The following SDF4 variants were observed in gnomAD, a reference collection of about 807,000 sequenced individuals.
SDF4 encodes the protein 45 kDa calcium-binding protein.
Under a neutral mutation model 34.2 loss-of-function variants are expected in SDF4, and 22 were observed. The ratio of observed to expected loss-of-function variants is 0.64; its 90% CI spans 0.46 to 0.92. The LOEUF is 0.92. Among genes scored for constraint, SDF4 ranks in the 40% least tolerant of loss-of-function variants. The pLI, the probability that SDF4 is intolerant of heterozygous loss-of-function variation, is 0.00. For synonymous variants in SDF4, 236 were observed against 203.1 expected (o/e 1.16, Z -1.38); for missense variants, 447 against 499.9 (o/e 0.89, Z 1.01).
intron 4 of SDF4, among the ~76,000 whole-genome samples, chr1:1,222,340 G>A (rs1055486665): frequency 1.3e-5 from 2 of 152,216 alleles, no homozygotes; most frequent in African/African-American, 2.4e-5. Context: ...AGGGTGGCCC[G>A]GCTCTCCCCT....
intron 4 of SDF4, among the ~76,000 whole-genome samples, chr1:1,222,235 G>A (rs1301076159): frequency 6.6e-6 from 1 of 152,224 alleles, no homozygotes; most frequent in Non-Finnish European, 1.5e-5. Flanking sequence ...GAGCCCCAGG[G>A]TGGCAGCAAC....
In SDF4 at chr1:1,228,703, G is replaced by A. The variant is rs1221275165; in HGVS notation, c.70C>T (p.Leu24=). Reference sequence around the variant, plus strand: ...GCAGGCCGTGCAGACGCGTCCATCAGAAGGACTGCCCCCAGGAGCCAGAGG... The same window carrying A: ...GCAGGCCGTGCAGACGCGTCCATCAAAAGGACTGCCCCCAGGAGCCAGAGG... The part of the protein sequence containing the change: ...CCLWLLGAVL[L]MDASARPANH... Residue 24 remains leucine, a synonymous_variant, in exon 2 of 7, where the codon CTG becomes TTG. Transcript: ENST00000360001. 3 of 1,612,862 alleles carry A rather than the reference G, an allele frequency of 1.9e-6. No homozygotes were observed. Among genetic ancestry groups the A allele is most frequent in the East Asian group, 4.5e-5 (2 of 44,854 alleles).
Position 1,217,704 on chromosome 1 carries a change from G to A in SDF4, c.892-16C>T, listed in dbSNP as rs746884154. 1.9e-6 allele frequency: 3 copies of A among 1,613,134 alleles called. No individual in the cohort carries two copies. Among genetic ancestry groups the A allele is most frequent in the Non-Finnish European group, 2.5e-6 (3 of 1,179,830 alleles). On this transcript the variant is annotated splice_polypyrimidine_tract_variant and intron_variant, in intron 6 of 6. Transcript: ENST00000360001. This position sits in a 1 kb window ranked among gnomAD's most constrained non-coding sequence, Gnocchi z 8.5. Reference sequence around the variant, plus strand: ...CCATGTAGCTCTGCGGGCGAGCGGGGCACAGGTCAGCGTCGCCTTTCCCCC... The same window carrying A: ...CCATGTAGCTCTGCGGGCGAGCGGGACACAGGTCAGCGTCGCCTTTCCCCC...
In SDF4 at chr1:1,217,178, G is replaced by C. The variant is rs1649550057; in HGVS notation, c.*334C>G. On this transcript the variant is annotated 3_prime_UTR_variant, in exon 7 of 7. Transcript: ENST00000360001. This position sits in a 1 kb window ranked among gnomAD's most constrained non-coding sequence, Gnocchi z 8.5. The stretch of plus-strand genomic sequence containing the variant: ...GCCCTGGGAGGGGCCGGGCCCAGAG[G>C]TTCCGGCCGCGATGCCGTCAGCGCC... The C allele has an allele frequency of 6.4e-6, 1 of 155,952 alleles. No individual in the cohort carries two copies. Among genetic ancestry groups the C allele is most frequent in the Non-Finnish European group, 1.4e-5 (1 of 70,464 alleles). The allele number at this position is 155,952 out of a possible 1,614,324, so 9.7% of individuals were successfully genotyped here. A position where few individuals can be genotyped will look rare whatever the true frequency, so the allele number is the denominator to read the frequency against.
chr1:1,226,717 T>C (rs910018261), intron 2 of SDF4, among the ~76,000 whole-genome samples: 12 of 152,200 alleles, frequency 7.9e-5, no homozygotes, highest in African/African-American at 2.9e-4. Flanking sequence ...CCACTCCCCA[T>C]GCCCACCTCC....
chr1:1,231,030 T>A (rs189168346), intron 1 of SDF4, among the ~76,000 whole-genome samples: 1 of 152,326 alleles, frequency 6.6e-6, no homozygotes, highest in Admixed American at 6.5e-5. Flanking sequence ...GAGACCAGCC[T>A]GGGCAACACA....
At chr1:1,222,842 A>C (rs919781752) in intron 4 of SDF4, among the ~76,000 whole-genome samples, 3 of 152,262 alleles carry the variant, frequency 2.0e-5, no homozygotes, top group African/African-American at 7.2e-5. Context: ...TGCTGTTAAG[A>C]CGAACACGTG....
At chr1:1,226,283 G>A (rs1245744012) in intron 2 of SDF4, among the ~76,000 whole-genome samples, 4 of 152,168 alleles carry the variant, frequency 2.6e-5, no homozygotes, top group Non-Finnish European at 4.4e-5. Flanking sequence ...AAGCTCAAAA[G>A]CCCCTAGGAC....
At chr1:1,223,785 T>TTCCCCCCCCCCCCCCCC in intron 3 of SDF4, 47 bp downstream of exon 3, 1 of 552,546 alleles carries the variant, frequency 1.8e-6, no homozygotes. Flanking sequence ...CCCATGGCCC[T>TTCCCCCCCCCCCCCCCC]GCCCGCCCCG....
intron 1 of SDF4, among the ~76,000 whole-genome samples, chr1:1,229,657 C>T (rs966721819): frequency 5.3e-5 from 8 of 152,236 alleles, no homozygotes; most frequent in African/African-American, 1.9e-4. Flanking sequence ...TCTGTCCCTC[C>T]TGGCATCATG....
intron 4 of SDF4, chr1:1,219,978 C>T (rs1649824588): frequency 3.0e-6 from 3 of 985,698 alleles, no homozygotes; most frequent in Non-Finnish European, 3.6e-6. Flanking sequence ...AGTGACGGGG[C>T]TGTGGTTCCT....
At chr1:1,220,799 C>G (rs1291230579) in intron 4 of SDF4, 1 of 1,267,748 alleles carries the variant, frequency 7.9e-7, no homozygotes, top group Non-Finnish European at 1.0e-6. Flanking sequence ...GGGGGGCGGG[C>G]ACGGGCAAGG....
intron 2 of SDF4, among the ~76,000 whole-genome samples, chr1:1,224,262 CA>C (rs1221273353): frequency 1.3e-5 from 2 of 152,028 alleles, no homozygotes; most frequent in Admixed American, 6.5e-5. Context: ...CCACAGCTTC[CA>C]AAAGTCACAC....
chr1:1,217,338 C>T lies in SDF4; in HGVS notation c.*174G>A, dbSNP rs1419935187. On this transcript the variant is annotated 3_prime_UTR_variant, in exon 7 of 7. Coordinates refer to ENST00000360001, the MANE Select transcript of SDF4 (RefSeq NM_016176.6). This position sits in a 1 kb window ranked among gnomAD's most constrained non-coding sequence, Gnocchi z 8.5. Reference sequence around the variant, plus strand: ...GACCGCGTCACAGCCAAAGCCCCGCCGGGGTGCGCGCTGCAGAGGGGACAC... The same window carrying T: ...GACCGCGTCACAGCCAAAGCCCCGCTGGGGTGCGCGCTGCAGAGGGGACAC... 3 of 395,188 alleles carry T rather than the reference C, an allele frequency of 7.6e-6. No homozygotes were observed. The highest frequency in any genetic ancestry group is 7.9e-6 in the Non-Finnish European group (2 of 254,566). 24.5% of individuals were successfully genotyped at this position (395,188 alleles called of 1,614,324 possible). A position where few individuals can be genotyped will look rare whatever the true frequency, so the allele number is the denominator to read the frequency against.
At position 1,228,637 on chromosome 1, in the gene SDF4, C is replaced by T; in HGVS notation, c.136G>A (p.Glu46Lys). ...TGGTCTGGGGGCAGGATCTCATTCT[C>T]CTCCCTGTTGGCTACTCTCTCTCGA... ...STRERVANRE[E>K]NEILPPDHLN... The change falls in exon 2 of 7, where the codon GAG becomes AAG. Residue 46 changes from glutamate (E) to lysine (K), a missense_variant. Coordinates refer to ENST00000360001, the MANE Select transcript of SDF4 (RefSeq NM_016176.6). 6.2e-7 allele frequency: 1 copy of T among 1,613,292 alleles called. No homozygotes were observed. The highest frequency in any genetic ancestry group is 8.5e-7 in the Non-Finnish European group (1 of 1,180,024).
intron 4 of SDF4, chr1:1,219,625 G>A (rs1470666585): frequency 2.2e-5 from 22 of 986,436 alleles, no homozygotes; most frequent in Non-Finnish European, 2.5e-5. Flanking sequence ...GCCTCTGGGT[G>A]TGTGGCCCCC....
chr1:1,223,152 A>G (rs780759183), intron 4 of SDF4, 92 bp downstream of exon 4: 2 of 880,888 alleles, frequency 2.3e-6, no homozygotes, highest in South Asian at 1.4e-5. Flanking sequence ...ACACTCATAC[A>G]CGACACACAC....
In SDF4 at chr1:1,217,705, C is replaced by T. The variant is rs1233669242; in HGVS notation, c.892-17G>A. 6.2e-7 allele frequency: 1 copy of T among 1,613,402 alleles called. No homozygotes were observed. The highest frequency in any genetic ancestry group is 1.3e-5 in the African/African-American group (1 of 75,050). On this transcript the variant is annotated splice_polypyrimidine_tract_variant and intron_variant, in intron 6 of 6. Coordinates refer to ENST00000360001, the MANE Select transcript of SDF4 (RefSeq NM_016176.6). This position sits in a 1 kb window ranked among gnomAD's most constrained non-coding sequence, Gnocchi z 8.5. ...CATGTAGCTCTGCGGGCGAGCGGGG[C>T]ACAGGTCAGCGTCGCCTTTCCCCCT...
At chr1:1,226,011 G>C (rs571976307) in intron 2 of SDF4, among the ~76,000 whole-genome samples, 262 of 152,320 alleles carry the variant, frequency 1.7e-3, no homozygotes, top group African/African-American at 6.0e-3. Context: ...ACGTGAACAG[G>C]GCTGGCAGAA....
Sources: allele counts gnomAD v4.1 joint callset (sites outside exome capture counted in the v4.1 genomes callset), GRCh38; gene constraint gnomAD v4.1.1; non-coding constraint Gnocchi (gnomAD v3.1); transcripts MANE v1.5; gene names NCBI Gene and HGNC (gene_info 2026-07-23, HGNC 2026-07-21).